The following PITPNM2 variants were observed in gnomAD, a reference collection of about 807,000 sequenced individuals.
PITPNM2 encodes membrane-associated phosphatidylinositol transfer protein 2.
A neutral mutation model predicts 132.2 loss-of-function variants in PITPNM2; 35 were observed. The ratio of observed to expected loss-of-function variants is 0.26; its 90% CI spans 0.20 to 0.35. The LOEUF is 0.35. PITPNM2 is among the 10% of genes least tolerant of loss of function. The pLI is 1.00. For synonymous variants in PITPNM2, 738 were observed against 799.2 expected, an observed-to-expected ratio of 0.92 and a Z score of 1.29; for missense variants, 1,332 against 1,912.0, an observed-to-expected ratio of 0.70 and a Z score of 5.66.
intron 1 of PITPNM2, among the ~76,000 whole-genome samples, chr12:123,142,848 AT>A (rs2043533839): frequency 6.6e-6 from 1 of 150,610 alleles, no homozygotes; most frequent in Non-Finnish European, 1.5e-5. Context: ...AAAAATTCTA[AT>A]TGCAAAAAAT....
At chr12:123,079,168 T>C (rs2041878355) in intron 2 of PITPNM2, among the ~76,000 whole-genome samples, 2 of 151,958 alleles carry the variant, frequency 1.3e-5, no homozygotes, top group South Asian at 4.2e-4. Context: ...TCCTCCAGCC[T>C]CCTATCTCTC....
At chr12:123,089,030 A>G (rs2042189501) in intron 2 of PITPNM2, 1 of 152,204 alleles carries the variant, frequency 6.6e-6, no homozygotes, top group Non-Finnish European at 1.5e-5. Context: ...ACTTGCTTAC[A>G]TGTCCGAGTC....
In PITPNM2 at chr12:123,108,100, G is replaced by C. The variant is rs192566652; in HGVS notation, c.-96+2285C>G. 2.0e-5 allele frequency among the ~76,000 whole-genome samples: 3 copies of C among 152,226 alleles called. No homozygotes were observed. The highest frequency in any genetic ancestry group is 4.4e-5 in the Non-Finnish European group (3 of 68,044). ...GATGCTGGAACTGCATAAGCAAAGC[G>C]CAGAGAATGTACCAGCATATAAACT... On this transcript the variant is annotated intron_variant, in intron 2 of 25. Coordinates refer to ENST00000320201, the MANE Select transcript of PITPNM2 (RefSeq NM_020845.3). This position sits in a 1 kb window ranked among gnomAD's most constrained non-coding sequence, Gnocchi z 4.4.
Position 123,005,249 on chromosome 12 carries a change from T to G in PITPNM2, c.943A>C (p.Lys315Gln), listed in dbSNP as rs1276205267. The change falls in exon 7 of 26, where the codon AAG (lysine) becomes CAG (glutamine). Residue 315 changes from lysine to glutamine, a missense_variant. Physicochemically the swap from Lys to Gln is moderately conservative, Grantham distance 53. Around this residue, in one of 6 missense-constraint regions of PITPNM2, gnomAD observed 710 missense variants for 911.5 expected, o/e 0.78. Coordinates refer to ENST00000320201, the MANE Select transcript of PITPNM2 (RefSeq NM_020845.3). The surrounding 1 kb of genome is among the most constrained non-coding windows in gnomAD (Gnocchi z 6.2). ...TGGCGCAGGGCCTTACCTCCCCGCT[T>G]GGACGACCGAGACGACTTGGAGGAT... The part of the protein sequence containing the change: ...STSSKSSRSS[K>Q]RGASPSRHSI... 1.9e-6 allele frequency: 3 copies of G among 1,611,578 alleles called. No homozygotes were observed. Among genetic ancestry groups the G allele is most frequent in the South Asian group, 1.1e-5 (1 of 91,028 alleles).
chr12:123,027,459 C>T (rs1402128825), intron 3 of PITPNM2, among the ~76,000 whole-genome samples: 3 of 152,176 alleles, frequency 2.0e-5, no homozygotes, highest in Admixed American at 6.5e-5. Flanking sequence ...AAAGGCAGCC[C>T]ACCACATCTC....
At chr12:123,130,017 G>T (rs545994722) in intron 1 of PITPNM2, among the ~76,000 whole-genome samples, 77 of 151,758 alleles carry the variant, frequency 5.1e-4, no homozygotes, top group African/African-American at 1.7e-3. Flanking sequence ...TGATCCTCCC[G>T]CCTTGGCCTC....
At chr12:123,062,726 G>T (rs2041284710) in intron 2 of PITPNM2, among the ~76,000 whole-genome samples, 1 of 152,158 alleles carries the variant, frequency 6.6e-6, no homozygotes, top group African/African-American at 2.4e-5. Context: ...CCTCACCTCA[G>T]TTCAGGAAAA....
chr12:123,092,456 C>T (rs543593368), intron 2 of PITPNM2: 2 of 152,370 alleles, frequency 1.3e-5, no homozygotes, highest in South Asian at 2.1e-4. Context: ...ATTACTAAAT[C>T]GCTGTTTGAA....
intron 3 of PITPNM2, among the ~76,000 whole-genome samples, chr12:123,025,683 C>T (rs1359789734): frequency 1.3e-5 from 2 of 152,060 alleles, no homozygotes; most frequent in African/African-American, 4.8e-5. Flanking sequence ...CTGCCTGCCT[C>T]GGCCTCCCAA....
At position 123,117,982 on chromosome 12, in the gene PITPNM2, G is replaced by GC. The variant is rs568760460; in HGVS notation, c.-199-7495dup. Among the ~76,000 whole-genome samples, 81 of 152,340 alleles carry GC rather than the reference G, an allele frequency of 5.3e-4. No homozygotes were observed. The highest frequency in any genetic ancestry group is 1.8e-3 in the African/African-American group (73 of 41,580). ...AGATTCACTGGAGAACTCCAGGGGA[G>GC]CCCCAAGGGATGGGAGAGCCACAGT... On this transcript the variant is annotated intron_variant, in intron 1 of 25. Transcript: ENST00000320201. The surrounding 1 kb of genome is among the most constrained non-coding windows in gnomAD (Gnocchi z 4.7).
At position 123,111,605 on chromosome 12, in the gene PITPNM2, G is replaced by C. The variant is rs915103048; in HGVS notation, c.-199-1117C>G. On this transcript the variant is annotated intron_variant, in intron 1 of 25. Coordinates refer to ENST00000320201, the MANE Select transcript of PITPNM2 (RefSeq NM_020845.3). This position sits in a 1 kb window ranked among gnomAD's most constrained non-coding sequence, Gnocchi z 4.1. ...CAGCAGTGGGAGGTGTGGCTGCAGG[G>C]AGCGGGCGGCTCTTCCAACCCCGCC... Among the ~76,000 whole-genome samples, 5 of 152,226 alleles carry C rather than the reference G, an allele frequency of 3.3e-5. No individual in the cohort carries two copies. Among genetic ancestry groups the C allele is most frequent in the Non-Finnish European group, 5.9e-5 (4 of 68,050 alleles).
intron 3 of PITPNM2, among the ~76,000 whole-genome samples, chr12:123,028,208 G>A (rs2039935837): frequency 1.3e-5 from 2 of 152,224 alleles, no homozygotes; most frequent in South Asian, 4.1e-4. Context: ...TCGGACGGAT[G>A]GCCCTCTCCC....
chr12:123,014,872 G>A (rs1246662756), intron 3 of PITPNM2, among the ~76,000 whole-genome samples: 1 of 152,138 alleles, frequency 6.6e-6, no homozygotes, highest in Non-Finnish European at 1.5e-5. Context: ...CAACAAAGTT[G>A]CAGAATACAA....
Position 122,994,867 on chromosome 12 carries a change from A to C in PITPNM2, c.2167T>G (p.Phe723Val), listed in dbSNP as rs2038354617. ...GRFDFEITDL[F>V]LFGCPLGLVL... ...AGCCCCAGCGGGCACCCGAAGAGGA[A>C]GAGGTCGGTGATCTCAAAGTCAAAC... The change falls in exon 15 of 26, where the codon TTC becomes GTC. Residue 723 changes from phenylalanine to valine, a missense_variant. Phe to Val is a conservative substitution (Grantham distance 50, BLOSUM62 -1). Around this residue, in one of 6 missense-constraint regions of PITPNM2, gnomAD observed 710 missense variants for 911.5 expected, o/e 0.78. Transcript: ENST00000320201. The surrounding 1 kb of genome is among the most constrained non-coding windows in gnomAD (Gnocchi z 5.4). 1 of 1,612,230 alleles carries C rather than the reference A, an allele frequency of 6.2e-7. No individual in the cohort carries two copies. The highest frequency in any genetic ancestry group is 1.7e-5 in the Admixed American group (1 of 59,992).
chr12:122,988,982 C>G, intron 18 of PITPNM2, 110 bp from the exon 19 acceptor site: 1 of 1,241,780 alleles, frequency 8.1e-7, no homozygotes, highest in Non-Finnish European at 1.1e-6. Context: ...CCCCCACCAG[C>G]TATAGCCAAA....
At position 123,031,253 on chromosome 12, in the gene PITPNM2, G is replaced by A. The variant is rs533332316; in HGVS notation, c.78+3260C>T. 2.2e-4 allele frequency among the ~76,000 whole-genome samples: 34 copies of A among 152,314 alleles called. 1 individual carries two copies. In the South Asian group the frequency reaches 3.9e-3, roughly 18 times the overall value. ...ATAGAGACCTGATAGCCTGAGCCCC[G>A]TCCATGCAGACAGTAGGCAGGCCAG... On this transcript the variant is annotated intron_variant, in intron 3 of 25. Transcript: ENST00000320201. The surrounding 1 kb of genome is among the most constrained non-coding windows in gnomAD (Gnocchi z 4.5).
chr12:123,145,666 C>T (rs1394067488), intron 1 of PITPNM2, among the ~76,000 whole-genome samples: 1 of 152,174 alleles, frequency 6.6e-6, no homozygotes, highest in African/African-American at 2.4e-5. Flanking sequence ...CGGAAACCTG[C>T]CTGTTGGTTA....
In PITPNM2 at chr12:122,997,378, G is replaced by A; in HGVS notation, c.1419C>T (p.Ile473=). 1.2e-6 allele frequency: 2 copies of A among 1,613,506 alleles called. No homozygotes were observed. Among genetic ancestry groups the A allele is most frequent in the Non-Finnish European group, 1.7e-6 (2 of 1,179,994 alleles). Reference sequence around the variant, plus strand: ...AGACGGGCGGGCAGGGCACCAGGCGGATGGCAAGGCGGCCCAGGGCGCTGG... The same window carrying A: ...AGACGGGCGGGCAGGGCACCAGGCGAATGGCAAGGCGGCCCAGGGCGCTGG... ...HYPSALGRLA[I]RLVPCPPVCS... Residue 473 remains isoleucine (I), a synonymous_variant, in exon 11 of 26, where the codon ATC becomes ATT. Transcript: ENST00000320201.
chr12:123,086,563 A>G (rs1164266840), intron 2 of PITPNM2, among the ~76,000 whole-genome samples: 1 of 152,228 alleles, frequency 6.6e-6, no homozygotes, highest in Non-Finnish European at 1.5e-5. Context: ...CCAGACCACA[A>G]CCACAACTAC....
Sources: gnomAD v4.1 joint callset for allele counts (sites outside exome capture counted in the v4.1 genomes callset) on GRCh38, gnomAD v4.1.1 for gene constraint, gnomAD v4.1.1 regional missense constraint, Gnocchi (gnomAD v3.1) non-coding constraint, MANE v1.5 for transcripts, NCBI Gene and HGNC (gene_info 2026-07-23, HGNC 2026-07-21) for gene names.